Variants in SH3RF3 observed in about 807,000 individuals in gnomAD.
The protein encoded by SH3RF3 is SH3 domain containing ring finger 3.
Under a neutral mutation model 66.3 loss-of-function variants are expected in SH3RF3, and 29 were observed. The ratio of observed to expected loss-of-function variants is 0.44; its 90% CI spans 0.33 to 0.60. The LOEUF (loss-of-function observed/expected upper bound fraction) is 0.60, where lower values mean the gene tolerates loss of function less well. Among genes scored for constraint, SH3RF3 ranks in the 20% least tolerant of loss-of-function variants. The pLI is 0.04. For synonymous variants in SH3RF3, 583 were observed against 532.0 expected (o/e 1.10, Z -1.32); for missense variants, 1,194 against 1,190.9 (o/e 1.00, Z -0.04).
chr2:109,422,259 C>G (rs752063125), intron 5 of SH3RF3, among the ~76,000 whole-genome samples: 4 of 152,224 alleles, frequency 2.6e-5, no homozygotes, highest in Non-Finnish European at 4.4e-5. Context: ...GGGACTCCAG[C>G]CAGGGCCCAG....
chr2:109,255,770 C>A (rs1273781155), intron 1 of SH3RF3, among the ~76,000 whole-genome samples: 1 of 152,194 alleles, frequency 6.6e-6, no homozygotes, highest in Admixed American at 6.5e-5. Context: ...ATCTCAGCTT[C>A]CTGATTTAAT....
At chr2:109,320,143 C>T (rs1028747209) in intron 1 of SH3RF3, among the ~76,000 whole-genome samples, 1 of 152,204 alleles carries the variant, frequency 6.6e-6, no homozygotes, top group Admixed American at 6.5e-5. Flanking sequence ...GTAGAAGCAA[C>T]ACAACTCTTC....
intron 3 of SH3RF3, among the ~76,000 whole-genome samples, chr2:109,377,904 T>C (rs1683426461): frequency 6.6e-6 from 1 of 152,196 alleles, no homozygotes; most frequent in Non-Finnish European, 1.5e-5. Flanking sequence ...GGTGGTGACT[T>C]AAAGGCACAA....
rs569636019 is a variant in SH3RF3, at chr2:109,238,286, A to G, written c.573+108173A>G. On this transcript the variant is annotated intron_variant, in intron 1 of 9. Transcript: ENST00000309415. ...CTCTAAAAATGAAGCAGGATACCAG[A>G]TGGCAAGTACACTAATATCACTGTA... is the stretch of plus-strand genomic sequence containing the variant. Among the ~76,000 whole-genome samples, 11 of 152,340 alleles carry G rather than the reference A, an allele frequency of 7.2e-5. No homozygotes were observed. The East Asian group carries it at 2.1e-3, about 29-fold the overall frequency.
intron 5 of SH3RF3, among the ~76,000 whole-genome samples, chr2:109,424,457 G>A (rs935024430): frequency 6.7e-6 from 1 of 149,004 alleles, no homozygotes. Context: ...ACTTCACTTT[G>A]TTGTGCCTCA....
At position 109,490,843 on chromosome 2, in the gene SH3RF3, G is replaced by A; in HGVS notation, c.2387G>A (p.Gly796Asp). ...MGMEPLHRKA[G>D]SLDLNFTSPS... ...ATGGAGCCTCTGCACAGGAAGGCAG[G>A]CTCCTTGGATCTAAACTTCACATCT... Residue 796 changes from glycine (G) to aspartate (D), a missense_variant, in exon 9 of 10, where the codon GGC (glycine) becomes GAC (aspartate). By Grantham distance (94) the Gly-to-Asp change is moderately conservative. Transcript: ENST00000309415. The A allele has an allele frequency of 6.5e-7, 1 of 1,536,646 alleles. No individual in the cohort carries two copies. Among genetic ancestry groups the A allele is most frequent in the Non-Finnish European group, 8.7e-7 (1 of 1,146,532 alleles).
chr2:109,130,140 C>T (rs998319043), intron 1 of SH3RF3, 27 bp downstream of exon 1: 3 of 1,281,846 alleles, frequency 2.3e-6, no homozygotes, highest in Admixed American at 4.1e-5. Context: ...GCGGAAGTGG[C>T]CACGGCACGT....
intron 1 of SH3RF3, among the ~76,000 whole-genome samples, chr2:109,156,047 C>T (rs1677339249): frequency 6.6e-6 from 1 of 152,244 alleles, no homozygotes. Context: ...TGCCTGAAAT[C>T]ACCCGTACTT....
At chr2:109,235,232 A>T (rs987510816) in intron 1 of SH3RF3, among the ~76,000 whole-genome samples, 4 of 152,170 alleles carry the variant, frequency 2.6e-5, no homozygotes, top group African/African-American at 7.2e-5. Flanking sequence ...TGTAAAATAG[A>T]TCAACCCTGA....
At chr2:109,233,137 C>T (rs1354521016) in intron 1 of SH3RF3, among the ~76,000 whole-genome samples, 1 of 152,174 alleles carries the variant, frequency 6.6e-6, no homozygotes, top group Admixed American at 6.5e-5. Context: ...CAGTTGCTGT[C>T]CATGGATGGC....
At chr2:109,395,429 G>A (rs1366186567) in intron 3 of SH3RF3, among the ~76,000 whole-genome samples, 1 of 152,316 alleles carries the variant, frequency 6.6e-6, no homozygotes, top group Non-Finnish European at 1.5e-5. Context: ...GCAGCGGTTC[G>A]CCTGCCTGGC....
At chr2:109,340,488 A>G (rs1052725841) in intron 1 of SH3RF3, among the ~76,000 whole-genome samples, 1 of 152,194 alleles carries the variant, frequency 6.6e-6, no homozygotes, top group African/African-American at 2.4e-5. Context: ...TCACTTATTC[A>G]GTGAATATGG....
chr2:109,303,165 C>T (rs564523510), intron 1 of SH3RF3, among the ~76,000 whole-genome samples: 26 of 152,310 alleles, frequency 1.7e-4, no homozygotes, highest in African/African-American at 5.8e-4. Flanking sequence ...CGTGAGCCAC[C>T]GCGCCCGGCC....
chr2:109,236,228 A>G (rs1348057534), intron 1 of SH3RF3, among the ~76,000 whole-genome samples: 1 of 152,226 alleles, frequency 6.6e-6, no homozygotes. Flanking sequence ...AATGTAATAT[A>G]CTTGCCTTTG....
Position 109,130,129 on chromosome 2 carries a change from G to T in SH3RF3, c.573+16G>T. On this transcript the variant is annotated intron_variant, in intron 1 of 9. Transcript: ENST00000309415. ...GGCGGCAAAGGTGAGTATCTGTCTC[G>T]GCGGAAGTGGCCACGGCACGTGGGA... 1.6e-6 allele frequency: 2 copies of T among 1,286,954 alleles called. No homozygotes were observed. The highest frequency in any genetic ancestry group is 2.5e-5 in the South Asian group (1 of 39,874). The allele number at this position is 1,286,954 out of a possible 1,614,324, so 79.7% of individuals were successfully genotyped here.
At chr2:109,150,211 A>G (rs1677197852) in intron 1 of SH3RF3, among the ~76,000 whole-genome samples, 1 of 152,158 alleles carries the variant, frequency 6.6e-6, no homozygotes, top group Admixed American at 6.5e-5. Context: ...GGACATGGCC[A>G]GGTAAAGAGG....
chr2:109,271,857 T>C (rs1301589526), intron 1 of SH3RF3, among the ~76,000 whole-genome samples: 1 of 152,246 alleles, frequency 6.6e-6, no homozygotes, highest in Admixed American at 6.5e-5. Context: ...AACTGGAGTA[T>C]TGAATGCGGC....
chr2:109,311,966 C>T (rs1239279930), intron 1 of SH3RF3, among the ~76,000 whole-genome samples: 6 of 152,130 alleles, frequency 3.9e-5, no homozygotes, highest in Admixed American at 3.3e-4. Context: ...TTCCATGAGT[C>T]GTGGCTGTGT....
At chr2:109,268,426 C>A (rs557673091) in intron 1 of SH3RF3, among the ~76,000 whole-genome samples, 9 of 152,060 alleles carry the variant, frequency 5.9e-5, no homozygotes, top group African/African-American at 2.2e-4. Flanking sequence ...TCTGTCCTCT[C>A]CCATCCTGTC....
Sources: gnomAD v4.1 joint callset for allele counts (sites outside exome capture counted in the v4.1 genomes callset) on GRCh38, gnomAD v4.1.1 for gene constraint, MANE v1.5 for transcripts, NCBI Gene and HGNC (gene_info 2026-07-23, HGNC 2026-07-21) for gene names.